FRMD4B: variants seen among roughly 807,000 people sequenced by gnomAD.
FRMD4B encodes the protein FERM domain containing 4B, also known as FERM domain-containing protein 4B.
Under a neutral mutation model 141.5 loss-of-function variants are expected in FRMD4B, and 74 were observed. The ratio of observed to expected loss-of-function variants is 0.52; its 90% CI spans 0.43 to 0.63. The LOEUF (loss-of-function observed/expected upper bound fraction) is 0.63. FRMD4B is among the 30% of genes least tolerant of loss of function. The pLI is 0.00. For synonymous variants in FRMD4B, 506 were observed against 467.9 expected (o/e 1.08, Z -1.05); for missense variants, 1,366 against 1,253.4 (o/e 1.09, Z -1.36).
chr3:69,234,244 CAAAA>C (rs34192296), intron 7 of FRMD4B, among the ~76,000 whole-genome samples: 3 of 75,292 alleles, frequency 4.0e-5, no homozygotes, highest in Non-Finnish European at 2.7e-5. Flanking sequence ...GACCCTGTCT[CAAAA>C]AAAAAAAAAA....
intron 2 of FRMD4B, among the ~76,000 whole-genome samples, chr3:69,397,246 A>G (rs1241871582): frequency 1.3e-5 from 2 of 152,216 alleles, no homozygotes; most frequent in African/African-American, 2.4e-5. Flanking sequence ...ATGTCAAGTA[A>G]AAGAAGCCAA....
intron 2 of FRMD4B, among the ~76,000 whole-genome samples, chr3:69,407,877 T>C (rs552780880): frequency 3.3e-5 from 5 of 152,330 alleles, no homozygotes; most frequent in Admixed American, 1.3e-4. Flanking sequence ...TGATTTTTTT[T>C]CCTCGTGGAG....
In FRMD4B at chr3:69,446,339, A is replaced by AT. The variant is rs1032919598; in HGVS notation, c.-128-13579dup. On this transcript the variant is annotated intron_variant, in intron 1 of 5. Transcript: ENST00000459638. ...CCGTGACTAGCCTACAAATTTTTTT[A>AT]TTTTTTTTCTTGAGATGGAGTCTCA... Among the ~76,000 whole-genome samples, 7 of 142,800 alleles carry AT rather than the reference A, an allele frequency of 4.9e-5. No individual in the cohort carries two copies. In the East Asian group the frequency reaches 1.0e-3, roughly 21 times the overall value. The allele number at this position is 142,800 out of a possible 152,430, so 93.7% of individuals were successfully genotyped here.
At chr3:69,312,336 T>C (rs771407675) in intron 2 of FRMD4B, among the ~76,000 whole-genome samples, 3 of 152,038 alleles carry the variant, frequency 2.0e-5, no homozygotes, top group Non-Finnish European at 4.4e-5. Context: ...GGACATGATT[T>C]AAAGAAAAAA....
chr3:69,471,251 G>A (rs1350760414), intron 1 of FRMD4B, among the ~76,000 whole-genome samples: 2 of 151,998 alleles, frequency 1.3e-5, no homozygotes, highest in East Asian at 3.9e-4. Flanking sequence ...CTTGTCAACT[G>A]GATAACTTCA....
At chr3:69,293,308 G>A (rs1365700860) in intron 4 of FRMD4B, among the ~76,000 whole-genome samples, 1 of 151,908 alleles carries the variant, frequency 6.6e-6, no homozygotes, top group Admixed American at 6.6e-5. Context: ...CTAGGGAGTG[G>A]GAGAGACATT....
At chr3:69,291,978 C>T (rs1333085722) in intron 4 of FRMD4B, among the ~76,000 whole-genome samples, 4 of 147,542 alleles carry the variant, frequency 2.7e-5, no homozygotes, top group Admixed American at 2.1e-4. Context: ...AATTATGAGC[C>T]CATTTTACAG....
At chr3:69,325,425 TG>T in intron 1 of FRMD4B, among the ~76,000 whole-genome samples, 1 of 152,110 alleles carries the variant, frequency 6.6e-6, no homozygotes, top group East Asian at 1.9e-4. Context: ...CTGATAAGTC[TG>T]GTGAAAAGAA....
chr3:69,200,294 C>T (rs990701774), intron 11 of FRMD4B: 11 of 412,102 alleles, frequency 2.7e-5, no homozygotes, highest in Non-Finnish European at 3.3e-5. Context: ...CCTCCGGGGT[C>T]CGCACACATA....
At chr3:69,271,926 G>T (rs1408649855) in intron 5 of FRMD4B, among the ~76,000 whole-genome samples, 2 of 152,134 alleles carry the variant, frequency 1.3e-5, no homozygotes, top group Non-Finnish European at 2.9e-5. Context: ...AGTGAGCCGA[G>T]ATTGTGCCAC....
intron 3 of FRMD4B, among the ~76,000 whole-genome samples, chr3:69,307,376 C>T (rs556903474): frequency 2.0e-5 from 3 of 152,142 alleles, no homozygotes; most frequent in African/African-American, 4.8e-5. Flanking sequence ...GACAGTGTCT[C>T]GCTTTGTCAC....
chr3:69,217,783 C>T (rs1420331636), intron 10 of FRMD4B, among the ~76,000 whole-genome samples: 1 of 152,144 alleles, frequency 6.6e-6, no homozygotes, highest in Admixed American at 6.5e-5. Context: ...AAAATTATTT[C>T]TCTTCCAAAC....
At chr3:69,337,187 C>G (rs1399138877) in intron 1 of FRMD4B, among the ~76,000 whole-genome samples, 1 of 151,940 alleles carries the variant, frequency 6.6e-6, no homozygotes, top group African/African-American at 2.4e-5. Context: ...ACAAACCTGA[C>G]AAAAACAAGC....
chr3:69,211,997 GAAGA>G (rs1469887112), intron 11 of FRMD4B, among the ~76,000 whole-genome samples: 3 of 148,832 alleles, frequency 2.0e-5, no homozygotes, highest in Non-Finnish European at 4.4e-5. Flanking sequence ...AAGAAGAAAG[GAAGA>G]AATAAACAAT....
chr3:69,289,277 T>C (rs1267299794), intron 4 of FRMD4B, among the ~76,000 whole-genome samples: 4 of 152,252 alleles, frequency 2.6e-5, no homozygotes, highest in African/African-American at 9.6e-5. Flanking sequence ...ATGTCGTGAC[T>C]GTACTTATCT....
chr3:69,466,021 CCT>C, intron 1 of FRMD4B, among the ~76,000 whole-genome samples: 1 of 152,160 alleles, frequency 6.6e-6, no homozygotes, highest in African/African-American at 2.4e-5. Flanking sequence ...AGTGTAAAAG[CCT>C]TCCTATTTCT....
chr3:69,181,416 G>A lies in FRMD4B; in HGVS notation c.2334C>T (p.Ser778=). ...KQNVSTSNSG[S]MPNLAQKDSL... is the part of the protein sequence containing the mutation. Reference sequence around the variant, plus strand: ...TATCCTTTTGTGCTAGGTTGGGCATGCTTCCTGAATTTGAAGTAGAAACAT... The same window carrying A: ...TATCCTTTTGTGCTAGGTTGGGCATACTTCCTGAATTTGAAGTAGAAACAT... The change falls in exon 21 of 23, where the codon AGC becomes AGT. Residue 778 remains serine (S), a synonymous_variant. Transcript: ENST00000398540. The A allele has an allele frequency of 1.9e-6, 3 of 1,613,962 alleles. No homozygotes were observed. Among genetic ancestry groups the A allele is most frequent in the Non-Finnish European group, 2.5e-6 (3 of 1,179,880 alleles).
At chr3:69,375,307 A>ATCCT (rs1416486294) in intron 1 of FRMD4B, among the ~76,000 whole-genome samples, 1 of 149,180 alleles carries the variant, frequency 6.7e-6, no homozygotes, top group African/African-American at 2.5e-5. Context: ...CCATCCATCC[A>ATCCT]TCCTTCCTTC....
rs1417913472 is a variant in FRMD4B at position 69,187,776 on chromosome 3, T to G, written c.1913A>C (p.Gln638Pro). The change falls in exon 19 of 23, where the codon CAG becomes CCG. Residue 638 changes from glutamine (Q) to proline (P), a missense_variant. Gln to Pro is a moderately conservative substitution (Grantham distance 76). Transcript: ENST00000398540. ...SINEQFVDTR[Q>P]SREMLSTHSS... ...TGATGATATGACCTCTCACCTGGAC[T>G]GCCTGGTATCCACAAACTGTTCATT... is the stretch of plus-strand genomic sequence containing the variant. The G allele has an allele frequency of 1.9e-6, 3 of 1,611,362 alleles. No homozygotes were observed. Among genetic ancestry groups the G allele is most frequent in the Non-Finnish European group, 2.5e-6 (3 of 1,178,936 alleles).
Sources: gnomAD v4.1 joint callset for allele counts (sites outside exome capture counted in the v4.1 genomes callset) on GRCh38, gnomAD v4.1.1 for gene constraint, MANE v1.5 for transcripts, NCBI Gene and HGNC (gene_info 2026-07-23, HGNC 2026-07-21) for gene names.